The following VAV3 variants were observed in gnomAD, a reference collection of about 807,000 sequenced individuals.
The protein encoded by VAV3 is guanine nucleotide exchange factor VAV3.
Under a neutral mutation model 131.2 loss-of-function variants are expected in VAV3, and 94 were observed. The ratio of observed to expected loss-of-function variants is 0.72; its 90% confidence interval spans 0.61 to 0.85. The LOEUF (loss-of-function observed/expected upper bound fraction) is 0.85, where lower values mean the gene tolerates loss of function less well. VAV3 is among the 40% of genes least tolerant of loss of function. The pLI, the probability that VAV3 is intolerant of heterozygous loss-of-function variation, is 0.00. For missense variants in VAV3, 939 were observed against 1,002.7 expected, an observed-to-expected ratio of 0.94 and a Z score of 0.86; for synonymous variants, 349 against 342.0, an observed-to-expected ratio of 1.02 and a Z score of -0.22.
chr1:107,839,101 A>C (rs1668588367), intron 2 of VAV3, among the ~76,000 whole-genome samples: 1 of 152,174 alleles, frequency 6.6e-6, no homozygotes, highest in Non-Finnish European at 1.5e-5. Flanking sequence ...CTAAAATAAA[A>C]GTTTGAAAGA....
At chr1:107,904,821 T>G (rs1295719321) in intron 1 of VAV3, among the ~76,000 whole-genome samples, 1 of 149,912 alleles carries the variant, frequency 6.7e-6, no homozygotes, top group Non-Finnish European at 1.5e-5. Flanking sequence ...ATAATGAACT[T>G]ATTAATTACA....
At chr1:107,746,387 A>C (rs1663345421) in intron 15 of VAV3, among the ~76,000 whole-genome samples, 1 of 152,202 alleles carries the variant, frequency 6.6e-6, no homozygotes, top group Non-Finnish European at 1.5e-5. Context: ...CGGAACTCTA[A>C]AACAACAAAA....
intron 2 of VAV3, among the ~76,000 whole-genome samples, chr1:107,869,172 T>C (rs1360564): frequency 0.65 from 98,547 of 151,998 alleles, 32,578 homozygotes; most frequent in Non-Finnish European, 0.72. Flanking sequence ...AGGCATGGGA[T>C]ATAATTGATG....
At chr1:107,661,521 T>C (rs536436733) in intron 19 of VAV3, among the ~76,000 whole-genome samples, 3 of 152,292 alleles carry the variant, frequency 2.0e-5, no homozygotes, top group African/African-American at 7.2e-5. Context: ...TAATTTTGTT[T>C]TGCTTTCTCC....
intron 15 of VAV3, among the ~76,000 whole-genome samples, chr1:107,741,231 T>C (rs766149877): frequency 4.2e-4 from 64 of 152,256 alleles, no homozygotes; most frequent in Non-Finnish European, 8.7e-4. Flanking sequence ...CCTTTAATAA[T>C]AGAAACATGG....
intron 25 of VAV3, among the ~76,000 whole-genome samples, chr1:107,589,721 G>A (rs537434355): frequency 6.6e-6 from 1 of 152,230 alleles, no homozygotes; most frequent in South Asian, 2.1e-4. Flanking sequence ...CAAAAAAACT[G>A]AGGATACAAT....
At chr1:107,722,120 G>T (rs940947657) in intron 15 of VAV3, among the ~76,000 whole-genome samples, 4 of 152,184 alleles carry the variant, frequency 2.6e-5, no homozygotes, top group African/African-American at 9.7e-5. Flanking sequence ...ATTTTCTGCA[G>T]AGTCAGTTGT....
At chr1:107,858,086 T>A (rs929262085) in intron 2 of VAV3, among the ~76,000 whole-genome samples, 2 of 152,342 alleles carry the variant, frequency 1.3e-5, no homozygotes, top group East Asian at 3.9e-4. Context: ...CATTTTATAC[T>A]TTTTGAGTTT....
At chr1:107,695,309 G>A (rs2504462) in intron 17 of VAV3, among the ~76,000 whole-genome samples, 131,017 of 152,118 alleles carry the variant, frequency 0.86, 56,599 homozygotes, top group Middle Eastern at 0.96. Context: ...TATAAATTAT[G>A]TAAGAATAAG....
intron 19 of VAV3, among the ~76,000 whole-genome samples, chr1:107,649,050 G>A (rs180760475): frequency 8.2e-4 from 125 of 151,870 alleles, no homozygotes; most frequent in Non-Finnish European, 1.6e-3. Flanking sequence ...AGCCTCAAAA[G>A]CCCTCAAAAA....
chr1:107,725,215 G>A (rs968490183), intron 15 of VAV3, among the ~76,000 whole-genome samples: 1 of 152,156 alleles, frequency 6.6e-6, no homozygotes, highest in Non-Finnish European at 1.5e-5. Flanking sequence ...GGGAGACCAG[G>A]TAAGAAGCTA....
intron 6 of VAV3, 87 bp from the exon 7 acceptor site, chr1:107,768,596 T>C: frequency 8.9e-7 from 1 of 1,119,550 alleles, no homozygotes; most frequent in South Asian, 1.5e-5. Context: ...AACAAATACG[T>C]TTTGAAAGTC....
At chr1:107,916,952 G>A (rs1355070545) in intron 1 of VAV3, among the ~76,000 whole-genome samples, 5 of 152,154 alleles carry the variant, frequency 3.3e-5, no homozygotes, top group African/African-American at 1.2e-4. Flanking sequence ...AAGTTGAGGG[G>A]ATGTAAAGTG....
At chr1:107,891,536 C>T (rs963041381) in intron 1 of VAV3, among the ~76,000 whole-genome samples, 2 of 151,940 alleles carry the variant, frequency 1.3e-5, no homozygotes, top group Non-Finnish European at 2.9e-5. Flanking sequence ...TTAGTGTAGT[C>T]ATTAAGAAAG....
At chr1:107,817,857 A>G (rs1667627396) in intron 2 of VAV3, among the ~76,000 whole-genome samples, 1 of 152,212 alleles carries the variant, frequency 6.6e-6, no homozygotes, top group Non-Finnish European at 1.5e-5. Flanking sequence ...AGTGGTTTTC[A>G]GAGCGGAAAA....
chr1:107,760,938 G>A, intron 9 of VAV3, 59 bp from the exon 10 acceptor site: 1 of 1,211,396 alleles, frequency 8.3e-7, no homozygotes, highest in Non-Finnish European at 1.2e-6. Flanking sequence ...AAGATGCAAA[G>A]GCCCTAGGCA....
At chr1:107,895,439 C>T (rs1054930200) in intron 1 of VAV3, among the ~76,000 whole-genome samples, 2 of 152,176 alleles carry the variant, frequency 1.3e-5, no homozygotes, top group Non-Finnish European at 2.9e-5. Context: ...CTCTGTCAGA[C>T]ACTATCCTAA....
At chr1:107,910,094 G>T (rs1363761541) in intron 1 of VAV3, among the ~76,000 whole-genome samples, 2 of 152,156 alleles carry the variant, frequency 1.3e-5, no homozygotes, top group African/African-American at 4.8e-5. Context: ...ATGAAAGCAT[G>T]ATTATCCTCA....
At chr1:107,594,747 T>C (rs944100718) in intron 25 of VAV3, among the ~76,000 whole-genome samples, 10 of 152,090 alleles carry the variant, frequency 6.6e-5, no homozygotes, top group Admixed American at 3.3e-4. Context: ...CACTAAGGAA[T>C]TGGCTGGGAG....
Sources: gnomAD v4.1 joint callset for allele counts (sites outside exome capture counted in the v4.1 genomes callset) on GRCh38, gnomAD v4.1.1 for gene constraint, MANE v1.5 for transcripts, NCBI Gene and HGNC (gene_info 2026-07-23, HGNC 2026-07-21) for gene names.